The following TDRD9 variants were observed in gnomAD, a reference collection of about 807,000 sequenced individuals.
The protein encoded by TDRD9 is tudor domain containing 9.
In TDRD9, 124 loss-of-function variants were observed where a neutral mutation model predicts 172.6. That is an observed-to-expected ratio of 0.72 (90% CI 0.62 to 0.83). The LOEUF is 0.83. Among genes scored for constraint, TDRD9 ranks in the 40% least tolerant of loss-of-function variants. The pLI is 0.00. For synonymous variants in TDRD9, 619 were observed against 617.1 expected (o/e 1.00, Z -0.05); for missense variants, 1,479 against 1,714.1 (o/e 0.86, Z 2.42).
intron 1 of TDRD9, among the ~76,000 whole-genome samples, chr14:103,936,341 C>A (rs937275644): frequency 2.0e-5 from 3 of 152,212 alleles, no homozygotes; most frequent in Non-Finnish European, 2.9e-5. Context: ...ATCTTCCCAC[C>A]TTGGCCTCCC....
chr14:104,026,591 A>C, intron 27 of TDRD9, 88 bp from the exon 28 acceptor site: 1 of 1,446,138 alleles, frequency 6.9e-7, no homozygotes, highest in African/African-American at 1.4e-5. Context: ...TTGAAGGTAC[A>C]TGAACAAGGT....
At position 103,994,521 on chromosome 14, in the gene TDRD9, T is replaced by C; in HGVS notation, c.1238T>C (p.Leu413Ser). ...ATTTTATTTTAGTAATTTCTTAGGTTGCAGGTCTATCCACTCCATTCAAGT... is the reference window on the plus strand; with the variant it reads ...ATTTTATTTTAGTAATTTCTTAGGTCGCAGGTCTATCCACTCCATTCAAGT... ...ELLTSLVHKR[L>S]QVYPLHSSVA... Residue 413 changes from leucine (L) to serine (S), a missense_variant and splice_region_variant, in exon 11 of 36, where the codon TTG becomes TCG. Leu to Ser is a moderately radical substitution (Grantham distance 145). This residue lies in a region of TDRD9 where 1,413 missense variants were observed against 1,649.1 expected (regional missense o/e 0.86). Coordinates refer to ENST00000409874, the MANE Select transcript of TDRD9 (RefSeq NM_153046.3). The C allele has an allele frequency of 6.2e-7, 1 of 1,613,756 alleles. No homozygotes were observed. The highest frequency in any genetic ancestry group is 8.5e-7 in the Non-Finnish European group (1 of 1,179,740).
chr14:103,928,497 C>G lies in TDRD9; in HGVS notation c.-13C>G, dbSNP rs1434305362. Reference sequence around the variant, plus strand: ...CCCGGCAGTTGGGGGATGCCGACGCCTGGGCCTTGAGGATGCTGCGGAAGC... The same window carrying G: ...CCCGGCAGTTGGGGGATGCCGACGCGTGGGCCTTGAGGATGCTGCGGAAGC... On this transcript the variant is annotated 5_prime_UTR_variant, in exon 1 of 36. Coordinates refer to ENST00000409874, the MANE Select transcript of TDRD9 (RefSeq NM_153046.3). 6 of 1,434,938 alleles carry G rather than the reference C, an allele frequency of 4.2e-6. No individual in the cohort carries two copies. Among genetic ancestry groups the G allele is most frequent in the Non-Finnish European group, 5.5e-6 (6 of 1,085,010 alleles). The allele number at this position is 1,434,938 out of a possible 1,614,324, so 88.9% of individuals were successfully genotyped here. A position where few individuals can be genotyped will look rare whatever the true frequency, so the allele number is the denominator to read the frequency against.
chr14:104,050,565 C>T (rs977724522), intron 35 of TDRD9, among the ~76,000 whole-genome samples: 11 of 152,198 alleles, frequency 7.2e-5, no homozygotes, highest in Admixed American at 5.2e-4. Flanking sequence ...TCCCCTTTGA[C>T]GATCTAAGTG....
chr14:103,941,419 G>T, intron 1 of TDRD9: 1 of 1,534,906 alleles, frequency 6.5e-7, no homozygotes, highest in Non-Finnish European at 8.7e-7. Flanking sequence ...GTTCCAGTTT[G>T]GCAAGGTTGA....
intron 33 of TDRD9, among the ~76,000 whole-genome samples, chr14:104,040,792 G>A (rs1223357033): frequency 6.6e-6 from 1 of 152,232 alleles, no homozygotes; most frequent in African/African-American, 2.4e-5. Flanking sequence ...TGAGCTGCTT[G>A]CAGCATTGTC....
intron 33 of TDRD9, among the ~76,000 whole-genome samples, chr14:104,040,559 GCTCT>G (rs1203645842): frequency 3.3e-5 from 5 of 152,178 alleles, no homozygotes; most frequent in Non-Finnish European, 7.3e-5. Flanking sequence ...TCCTGATGGT[GCTCT>G]CTGAGTCTCT....
chr14:104,032,255 G>A (rs910628463), intron 30 of TDRD9, among the ~76,000 whole-genome samples, 168 bp downstream of exon 30: 3 of 151,766 alleles, frequency 2.0e-5, no homozygotes, highest in Non-Finnish European at 4.4e-5. Flanking sequence ...CATTCAGGCT[G>A]GAGTGCAGTG....
At chr14:103,954,502 A>T (rs1401823887) in intron 1 of TDRD9, among the ~76,000 whole-genome samples, 1 of 152,206 alleles carries the variant, frequency 6.6e-6, no homozygotes, top group Non-Finnish European at 1.5e-5. Context: ...TTGCTAAACA[A>T]ATGAATGTTT....
intron 33 of TDRD9, among the ~76,000 whole-genome samples, chr14:104,041,442 G>A (rs1170330440): frequency 6.6e-6 from 1 of 152,124 alleles, no homozygotes; most frequent in African/African-American, 2.4e-5. Context: ...AAAAGACAAA[G>A]TGCACACCAG....
chr14:104,009,615 C>G (rs774830601), intron 20 of TDRD9, among the ~76,000 whole-genome samples: 1 of 151,998 alleles, frequency 6.6e-6, no homozygotes, highest in Non-Finnish European at 1.5e-5. Context: ...TTAATTGTAG[C>G]TTAATATAAC....
intron 1 of TDRD9, among the ~76,000 whole-genome samples, chr14:103,933,033 G>A (rs1295363273): frequency 6.6e-6 from 1 of 152,138 alleles, no homozygotes; most frequent in East Asian, 1.9e-4. Flanking sequence ...CCTTACTCAC[G>A]ATGAAGGTGT....
rs74089152 is a variant in TDRD9, at chr14:104,051,902, G to A, written c.4048-79G>A. On this transcript the variant is annotated intron_variant, in intron 35 of 35. Transcript: ENST00000409874. ...AACTGAATTATACTTTGTGCATCCTGGATGTTAATGCATGTGTATTTTATG... is the reference window on the plus strand; with the variant it reads ...AACTGAATTATACTTTGTGCATCCTAGATGTTAATGCATGTGTATTTTATG... 4.6e-4 allele frequency: 380 copies of A among 827,066 alleles called. No homozygotes were observed. In the African/African-American group the frequency reaches 5.6e-3, roughly 12 times the overall value. The allele number at this position is 827,066 out of a possible 1,614,324, so 51.2% of individuals were successfully genotyped here.
chr14:103,957,801 G>A (rs1316379092), intron 2 of TDRD9, among the ~76,000 whole-genome samples: 2 of 152,228 alleles, frequency 1.3e-5, no homozygotes, highest in African/African-American at 2.4e-5. Context: ...CACACCCTGC[G>A]TGCTGGGCCT....
chr14:104,015,245 C>T (rs965679679), intron 21 of TDRD9, among the ~76,000 whole-genome samples: 1 of 152,098 alleles, frequency 6.6e-6, no homozygotes, highest in Admixed American at 6.5e-5. Context: ...ATTATTTTAA[C>T]TTTGGAGGCC....
At chr14:104,048,165 T>C (rs2035835526) in intron 34 of TDRD9, among the ~76,000 whole-genome samples, 1 of 152,246 alleles carries the variant, frequency 6.6e-6, no homozygotes, top group Non-Finnish European at 1.5e-5. Flanking sequence ...GAAAAGTGCC[T>C]AGTCTTAACC....
chr14:104,038,821 C>T (rs1231855066), intron 32 of TDRD9, among the ~76,000 whole-genome samples: 1 of 152,086 alleles, frequency 6.6e-6, no homozygotes, highest in Non-Finnish European at 1.5e-5. Context: ...AGGTGTGCAC[C>T]ACCACACCTG....
At chr14:103,976,684 T>G (rs2033260027) in intron 7 of TDRD9, among the ~76,000 whole-genome samples, 1 of 152,228 alleles carries the variant, frequency 6.6e-6, no homozygotes, top group African/African-American at 2.4e-5. Context: ...CCTTTGGAAA[T>G]ATACCCAGTA....
At chr14:103,999,643 A>AGATTTAATCTTTTAATCTTCCTG (rs1566771643) in intron 13 of TDRD9, among the ~76,000 whole-genome samples, 1 of 130,470 alleles carries the variant, frequency 7.7e-6, no homozygotes, top group Non-Finnish European at 1.7e-5. Context: ...TGTTTTTTAG[A>AGATTTAATCTTTTAATCTTCCTG]AAACCTTTTG....
Sources: gnomAD v4.1 joint callset for allele counts (sites outside exome capture counted in the v4.1 genomes callset) on GRCh38, gnomAD v4.1.1 for gene constraint, gnomAD v4.1.1 regional missense constraint, MANE v1.5 for transcripts, NCBI Gene and HGNC (gene_info 2026-07-23, HGNC 2026-07-21) for gene names.